Variants in WASF1 observed in about 807,000 individuals in gnomAD.
WASF1 encodes WASP family member 1.
In WASF1, 7 loss-of-function variants were observed where a neutral mutation model predicts 50.5. The observed-to-expected ratio is 0.14, with a 90% confidence interval of 0.08 to 0.26. WASF1 has a LOEUF of 0.26. Among genes scored for constraint, WASF1 ranks in the 10% least tolerant of loss-of-function variants. The pLI is 1.00. For missense variants in WASF1, 470 were observed against 694.7 expected (o/e 0.68, Z 3.64); for synonymous variants, 205 against 244.0 (o/e 0.84, Z 1.49).
At chr6:110,114,613 C>G (rs1773712198) in intron 4 of WASF1, among the ~76,000 whole-genome samples, 2 of 151,852 alleles carry the variant, frequency 1.3e-5, no homozygotes, top group South Asian at 4.2e-4. Context: ...CAACTTAAAG[C>G]AAAAGGAAGG....
intron 4 of WASF1, among the ~76,000 whole-genome samples, chr6:110,126,776 T>C (rs769290831): frequency 1.3e-5 from 2 of 150,290 alleles, no homozygotes; most frequent in Non-Finnish European, 2.9e-5. Context: ...AAATAATTTG[T>C]TTAATTCCTT....
chr6:110,143,433 TGTATGA>T (rs1402131725), intron 3 of WASF1, among the ~76,000 whole-genome samples: 18 of 152,016 alleles, frequency 1.2e-4, no homozygotes, highest in East Asian at 3.9e-4. Context: ...GGCATATATA[TGTATGA>T]GTATAAGCAA....
rs555503637 is a variant in WASF1 at position 110,170,860 on chromosome 6, T to C, written c.-127+7738A>G. On this transcript the variant is annotated intron_variant, in intron 2 of 10. Transcript: ENST00000392589. ...AAATTAACAGGGATAAAGATAGGCATTGCATTACGATAAAGGGGCAAATTC... is the reference window on the plus strand; with the variant it reads ...AAATTAACAGGGATAAAGATAGGCACTGCATTACGATAAAGGGGCAAATTC... Among the ~76,000 whole-genome samples, 416 of 152,222 alleles carry C rather than the reference T, an allele frequency of 2.7e-3. 3 individuals carry two copies. Among genetic ancestry groups the C allele is most frequent in the African/African-American group, 9.2e-3 (382 of 41,568 alleles).
intron 1 of WASF1, among the ~76,000 whole-genome samples, chr6:110,178,990 G>A (rs1384290180): frequency 1.3e-5 from 2 of 152,228 alleles, no homozygotes; most frequent in African/African-American, 4.8e-5. Flanking sequence ...GACTCGCGGA[G>A]CAAACACGCA....
chr6:110,107,067 C>T lies in WASF1; in HGVS notation c.540+10G>A. On this transcript the variant is annotated intron_variant, in intron 7 of 10. Transcript: ENST00000392589. Reference sequence around the variant, plus strand: ...AAAATTAACCTCAATTTTTTAATCTCTTGTAATACCTTCTGCTTCCTCTTT... The same window carrying T: ...AAAATTAACCTCAATTTTTTAATCTTTTGTAATACCTTCTGCTTCCTCTTT... The T allele has an allele frequency of 1.9e-6, 3 of 1,574,228 alleles. No individual in the cohort carries two copies. Among genetic ancestry groups the T allele is most frequent in the Non-Finnish European group, 2.6e-6 (3 of 1,154,624 alleles).
chr6:110,102,107 A>G lies in WASF1; in HGVS notation c.1003T>C (p.Leu335=). ...GAAGCTCTTAATGAGGAAGTTGACA[A>G]GGCAGATGGAAGAGGTGGTGGAGGA... The part of the protein sequence containing the change: ...PPPPPPLPSA[L]STSSLRASMT... The change falls in exon 10 of 11, where the codon TTG becomes CTG. Residue 335 remains leucine (L), a synonymous_variant. Coordinates refer to ENST00000392589, the MANE Select transcript of WASF1 (RefSeq NM_003931.3). The G allele has an allele frequency of 6.7e-7, 1 of 1,498,178 alleles. No individual in the cohort carries two copies. Among genetic ancestry groups the G allele is most frequent in the Non-Finnish European group, 8.9e-7 (1 of 1,124,262 alleles). The allele number at this position is 1,498,178 out of a possible 1,614,324, so 92.8% of individuals were successfully genotyped here. A position where few individuals can be genotyped will look rare whatever the true frequency, so the allele number is the denominator to read the frequency against.
chr6:110,135,956 T>A (rs1266349376), intron 3 of WASF1, among the ~76,000 whole-genome samples: 5 of 135,912 alleles, frequency 3.7e-5, no homozygotes, highest in Non-Finnish European at 7.7e-5. Flanking sequence ...CAATCTCAAC[T>A]CACTGCAAGC....
intron 4 of WASF1, among the ~76,000 whole-genome samples, chr6:110,115,081 A>G (rs1396113184): frequency 6.6e-6 from 1 of 151,320 alleles, no homozygotes; most frequent in African/African-American, 2.4e-5. Context: ...TGGGTGACAA[A>G]GTGAGACCTT....
chr6:110,137,423 C>G (rs970760695), intron 3 of WASF1, among the ~76,000 whole-genome samples: 1 of 152,172 alleles, frequency 6.6e-6, no homozygotes, highest in Non-Finnish European at 1.5e-5. Context: ...TCCTCTCTCA[C>G]TTGGTTAGAC....
intron 2 of WASF1, among the ~76,000 whole-genome samples, chr6:110,161,221 T>TA: frequency 6.6e-6 from 1 of 151,768 alleles, no homozygotes; most frequent in Admixed American, 6.6e-5. Context: ...TTACTCACGA[T>TA]GTACTGTTTA....
At position 110,101,758 on chromosome 6, in the gene WASF1, G is replaced by T; in HGVS notation, c.1352C>A (p.Pro451His). 3 of 1,614,124 alleles carry T rather than the reference G, an allele frequency of 1.9e-6. No homozygotes were observed. Among genetic ancestry groups the T allele is most frequent in the Non-Finnish European group, 2.5e-6 (3 of 1,180,014 alleles). Residue 451 changes from proline (P) to histidine (H), a missense_variant, in exon 10 of 11, where the codon CCT (proline) becomes CAT (histidine). Pro to His is a moderately conservative substitution (Grantham distance 77). Coordinates refer to ENST00000392589, the MANE Select transcript of WASF1 (RefSeq NM_003931.3). ...TGGAGTTGGATGTAGCCCAGAGGGA[G>T]GATGAGCAAGAGCTGTAACTGTGAC... ...SPVTVTALAHPPSGLHPTPST... is the reference protein window; with the variant it reads ...SPVTVTALAHHPSGLHPTPST...
chr6:110,141,128 G>C (rs796292762), intron 3 of WASF1, among the ~76,000 whole-genome samples: 2 of 152,038 alleles, frequency 1.3e-5, no homozygotes, highest in African/African-American at 4.8e-5. Context: ...GAATGAAAGG[G>C]GGACTATTGC....
At chr6:110,126,008 A>T (rs1236637253) in intron 4 of WASF1, among the ~76,000 whole-genome samples, 1 of 152,190 alleles carries the variant, frequency 6.6e-6, no homozygotes, top group Non-Finnish European at 1.5e-5. Context: ...TATACCTAAA[A>T]TAAGATGCCT....
chr6:110,101,088 T>A (rs1773062952), intron 10 of WASF1, among the ~76,000 whole-genome samples: 1 of 152,216 alleles, frequency 6.6e-6, no homozygotes, highest in Non-Finnish European at 1.5e-5. Flanking sequence ...ATATGCTCAG[T>A]GCCTGGCCTA....
chr6:110,103,570 T>C lies in WASF1; in HGVS notation c.714-13A>G, dbSNP rs1185652090. Reference sequence around the variant, plus strand: ...GTATGTCTGAGGTCTAAAAGAAATATATAGTATCAGTGAATTATTCTTGAA... The same window carrying C: ...GTATGTCTGAGGTCTAAAAGAAATACATAGTATCAGTGAATTATTCTTGAA... On this transcript the variant is annotated splice_polypyrimidine_tract_variant and intron_variant, in intron 8 of 10. Transcript: ENST00000392589. The C allele has an allele frequency of 3.2e-6, 5 of 1,586,358 alleles. No individual in the cohort carries two copies. Among genetic ancestry groups the C allele is most frequent in the Middle Eastern group, 3.5e-4 (2 of 5,750 alleles).
chr6:110,137,147 T>C (rs1775005775), intron 3 of WASF1, among the ~76,000 whole-genome samples: 1 of 152,208 alleles, frequency 6.6e-6, no homozygotes, highest in Admixed American at 6.5e-5. Flanking sequence ...ATCTCTCTCC[T>C]AAAGCTGCAG....
At chr6:110,169,165 C>A (rs1776591115) in intron 2 of WASF1, among the ~76,000 whole-genome samples, 1 of 152,108 alleles carries the variant, frequency 6.6e-6, no homozygotes, top group Admixed American at 6.6e-5. Context: ...TCCATCACTG[C>A]TAGATCTTTA....
At chr6:110,141,810 C>T (rs970221713) in intron 3 of WASF1, among the ~76,000 whole-genome samples, 14 of 151,526 alleles carry the variant, frequency 9.2e-5, no homozygotes, top group African/African-American at 2.7e-4. Flanking sequence ...CTCGCTCTGT[C>T]ACCCAGGCTG....
intron 4 of WASF1, among the ~76,000 whole-genome samples, chr6:110,120,014 T>A (rs1191820640): frequency 4.6e-5 from 7 of 152,242 alleles, no homozygotes; most frequent in South Asian, 4.2e-4. Flanking sequence ...AAACTCTCAA[T>A]AAACTAGGTA....
Sources: gnomAD v4.1 joint callset for allele counts (sites outside exome capture counted in the v4.1 genomes callset) on GRCh38, gnomAD v4.1.1 for gene constraint, MANE v1.5 for transcripts, NCBI Gene and HGNC (gene_info 2026-07-23, HGNC 2026-07-21) for gene names.